Variants in GRIK1 observed in about 807,000 individuals in gnomAD.
The protein encoded by GRIK1 is glutamate receptor ionotropic, kainate 1.
GRIK1 carries 69 observed loss-of-function variants against 105.7 expected under a neutral mutation model. The ratio of observed to expected loss-of-function variants is 0.65; its 90% CI spans 0.54 to 0.80. The LOEUF (loss-of-function observed/expected upper bound fraction) is 0.80. Among genes scored for constraint, GRIK1 ranks in the 30% least tolerant of loss-of-function variants. GRIK1 has a pLI of 0.00. For missense variants in GRIK1, 1,109 were observed against 1,167.3 expected (o/e 0.95, Z 0.73); for synonymous variants, 438 against 431.3 (o/e 1.02, Z -0.19).
chr21:29,577,571 T>C (rs1385250458), intron 13 of GRIK1, among the ~76,000 whole-genome samples: 2 of 152,224 alleles, frequency 1.3e-5, no homozygotes. Context: ...TATGAAAATA[T>C]TTGAAATGCT....
intron 1 of GRIK1, among the ~76,000 whole-genome samples, chr21:29,851,199 C>T (rs143627176): frequency 6.6e-6 from 1 of 152,152 alleles, no homozygotes; most frequent in African/African-American, 2.4e-5. Flanking sequence ...GAACTACAAG[C>T]GTGAGCCACC....
At chr21:29,880,096 T>A (rs1372468091) in intron 1 of GRIK1, among the ~76,000 whole-genome samples, 1 of 152,100 alleles carries the variant, frequency 6.6e-6, no homozygotes, top group Non-Finnish European at 1.5e-5. Flanking sequence ...TTACTCACGC[T>A]TCACTGTATT....
chr21:29,549,557 T>G (rs563725680), intron 16 of GRIK1, among the ~76,000 whole-genome samples: 2 of 152,188 alleles, frequency 1.3e-5, no homozygotes, highest in Non-Finnish European at 2.9e-5. Context: ...CTCTTCCTAC[T>G]GAGGAGAAAG....
At chr21:29,601,429 T>G (rs527567161) in intron 7 of GRIK1, among the ~76,000 whole-genome samples, 1 of 152,312 alleles carries the variant, frequency 6.6e-6, no homozygotes, top group South Asian at 2.1e-4. Flanking sequence ...TGTATATATA[T>G]CCTATTGTTC....
chr21:29,565,202 T>A (rs968365443), intron 14 of GRIK1, among the ~76,000 whole-genome samples: 2 of 152,196 alleles, frequency 1.3e-5, no homozygotes, highest in Non-Finnish European at 2.9e-5. Context: ...ATAGTAAACA[T>A]AATGGGAGCA....
chr21:29,608,630 G>A (rs890215088), intron 7 of GRIK1, among the ~76,000 whole-genome samples: 3 of 151,878 alleles, frequency 2.0e-5, no homozygotes, highest in Non-Finnish European at 2.9e-5. Context: ...CTATGTCATC[G>A]TCTCAGACAC....
intron 4 of GRIK1, among the ~76,000 whole-genome samples, chr21:29,659,352 T>C (rs571925168): frequency 8.5e-5 from 13 of 152,272 alleles, no homozygotes; most frequent in South Asian, 6.2e-4. Context: ...AAAACAGTTT[T>C]CCCCCCCTAC....
intron 4 of GRIK1, among the ~76,000 whole-genome samples, chr21:29,661,249 TCTA>T (rs1228693971): frequency 6.6e-6 from 1 of 152,232 alleles, no homozygotes; most frequent in Non-Finnish European, 1.5e-5. Context: ...AAGATATCCA[TCTA>T]CTTATGGAGG....
At chr21:29,635,282 T>G (rs1284670175) in intron 7 of GRIK1, among the ~76,000 whole-genome samples, 1 of 152,150 alleles carries the variant, frequency 6.6e-6, no homozygotes, top group Admixed American at 6.5e-5. Context: ...ATAAAGGAAG[T>G]GTTCTCCAGA....
intron 7 of GRIK1, among the ~76,000 whole-genome samples, chr21:29,599,396 G>T (rs960412160): frequency 6.6e-6 from 1 of 152,116 alleles, no homozygotes; most frequent in East Asian, 1.9e-4. Context: ...ATGACTTAGC[G>T]TGTTTGCACC....
At chr21:29,633,412 C>T (rs1243018972) in intron 7 of GRIK1, among the ~76,000 whole-genome samples, 3 of 152,036 alleles carry the variant, frequency 2.0e-5, no homozygotes, top group South Asian at 2.1e-4. Context: ...GCAGGAGAAT[C>T]GCTTGAAACT....
intron 1 of GRIK1, among the ~76,000 whole-genome samples, chr21:29,852,014 A>G (rs1340366701): frequency 2.0e-5 from 3 of 152,242 alleles, no homozygotes; most frequent in African/African-American, 4.8e-5. Context: ...TCTTACCTCT[A>G]TGGAAAAATT....
chr21:29,791,805 A>G (rs113460114), intron 1 of GRIK1, among the ~76,000 whole-genome samples: 6,502 of 152,278 alleles, frequency 0.043, 199 homozygotes, highest in Non-Finnish European at 0.066. Flanking sequence ...TGAAATTTGC[A>G]TATATTTGTT....
chr21:29,867,692 G>A (rs750850358), intron 1 of GRIK1, among the ~76,000 whole-genome samples: 8 of 152,110 alleles, frequency 5.3e-5, no homozygotes, highest in Non-Finnish European at 1.0e-4. Context: ...TACTTGGGAA[G>A]CTGAGGCAGG....
intron 12 of GRIK1, among the ~76,000 whole-genome samples, chr21:29,584,869 A>G (rs1304904445): frequency 6.6e-6 from 1 of 152,160 alleles, no homozygotes; most frequent in Non-Finnish European, 1.5e-5. Context: ...TGGTACATCT[A>G]CTCAACCAGA....
chr21:29,590,692 T>C (rs980005940), intron 10 of GRIK1, among the ~76,000 whole-genome samples: 7 of 152,160 alleles, frequency 4.6e-5, no homozygotes, highest in African/African-American at 1.7e-4. Context: ...GCAGAAGCTA[T>C]GGTTGTAGAA....
intron 1 of GRIK1, among the ~76,000 whole-genome samples, chr21:29,802,660 G>T (rs1456153157): frequency 1.3e-5 from 2 of 152,078 alleles, no homozygotes; most frequent in Non-Finnish European, 2.9e-5. Flanking sequence ...TGACTGAAAT[G>T]CAATTTCAAG....
intron 3 of GRIK1, among the ~76,000 whole-genome samples, chr21:29,687,173 A>G (rs1322205691): frequency 6.6e-6 from 1 of 152,186 alleles, no homozygotes; most frequent in African/African-American, 2.4e-5. Flanking sequence ...ATTGACTTCA[A>G]TGGGAGTAAT....
intron 5 of GRIK1, 54 bp downstream of exon 5, chr21:29,654,756 C>T: frequency 1.0e-6 from 1 of 990,318 alleles, no homozygotes; most frequent in Non-Finnish European, 1.6e-6. Flanking sequence ...TCTGAAATAA[C>T]TGTGTGAAGA....
Sources: allele counts gnomAD v4.1 joint callset (sites outside exome capture counted in the v4.1 genomes callset), GRCh38; gene constraint gnomAD v4.1.1; transcripts MANE v1.5; gene names NCBI Gene and HGNC (gene_info 2026-07-23, HGNC 2026-07-21).